SLC2A9: variants seen among roughly 807,000 people sequenced by gnomAD.
SLC2A9 encodes the protein solute carrier family 2 member 9, also known as solute carrier family 2, facilitated glucose transporter member 9.
SLC2A9 carries 39 observed loss-of-function variants against 50.6 expected under a neutral mutation model. The ratio of observed to expected loss-of-function variants is 0.77; its 90% CI spans 0.60 to 1.01. The LOEUF (loss-of-function observed/expected upper bound fraction) is 1.01. Among genes scored for constraint, SLC2A9 ranks in the 50% least tolerant of loss-of-function variants. SLC2A9 has a pLI of 0.00. For missense variants in SLC2A9, 686 were observed against 677.6 expected (o/e 1.01, Z -0.14); for synonymous variants, 324 against 276.9 (o/e 1.17, Z -1.69).
chr4:10,004,737 C>G (rs1760459244), intron 2 of SLC2A9, among the ~76,000 whole-genome samples: 2 of 152,222 alleles, frequency 1.3e-5, no homozygotes, highest in Admixed American at 1.3e-4. Context: ...CATGCCATCA[C>G]AATTGCACTG....
chr4:9,861,825 C>A (rs1331715228), intron 10 of SLC2A9, among the ~76,000 whole-genome samples: 1 of 152,142 alleles, frequency 6.6e-6, no homozygotes, highest in African/African-American at 2.4e-5. Flanking sequence ...TGCTTAAAAA[C>A]TACTTGCTGA....
At chr4:9,917,467 G>C (rs953570501) in intron 7 of SLC2A9, among the ~76,000 whole-genome samples, 5 of 151,262 alleles carry the variant, frequency 3.3e-5, no homozygotes, top group Admixed American at 2.0e-4. Flanking sequence ...AGAGTAGCTG[G>C]GACTACAGGT....
chr4:9,894,529 T>C (rs149202150), intron 8 of SLC2A9, among the ~76,000 whole-genome samples: 5 of 152,352 alleles, frequency 3.3e-5, no homozygotes, highest in Non-Finnish European at 7.3e-5. Flanking sequence ...GTAGATTTAG[T>C]TGAAGTGTTG....
At chr4:9,788,356 A>ATTTT (rs36144026) in intron 3 of SLC2A9, among the ~76,000 whole-genome samples, 68,024 of 136,550 alleles carry the variant, frequency 0.5, 18,753 homozygotes, top group Non-Finnish European at 0.61. Context: ...TGCCCAGGTA[A>ATTTT]TTTTTTTTTT....
chr4:9,823,198 A>T (rs1177540162), downstream of SLC2A9, among the ~76,000 whole-genome samples: 1 of 152,120 alleles, frequency 6.6e-6, no homozygotes, highest in African/African-American at 2.4e-5. Flanking sequence ...TGGAGGTGAG[A>T]GAATATGTAA....
chr4:9,974,245 C>T (rs1754400451), intron 5 of SLC2A9, among the ~76,000 whole-genome samples: 1 of 152,152 alleles, frequency 6.6e-6, no homozygotes, highest in Non-Finnish European at 1.5e-5. Flanking sequence ...TGCCCACTCT[C>T]ACCACTCCTA....
chr4:9,870,559 T>C (rs1251668819), intron 10 of SLC2A9, among the ~76,000 whole-genome samples: 1 of 152,210 alleles, frequency 6.6e-6, no homozygotes, highest in Non-Finnish European at 1.5e-5. Flanking sequence ...GGGAGAGGTT[T>C]TCTGGAGGGT....
intron 10 of SLC2A9, among the ~76,000 whole-genome samples, chr4:9,845,045 G>T (rs909110539): frequency 6.6e-6 from 1 of 151,110 alleles, no homozygotes; most frequent in South Asian, 2.1e-4. Flanking sequence ...ACAGAGTCTC[G>T]CTCTGTTGTC....
intron 10 of SLC2A9, among the ~76,000 whole-genome samples, chr4:9,837,771 C>G (rs1727331735): frequency 6.6e-6 from 1 of 152,208 alleles, no homozygotes; most frequent in Admixed American, 6.5e-5. Flanking sequence ...CTCTCTTTCA[C>G]TAGGCCTTCA....
At position 9,943,598 on chromosome 4, in the gene SLC2A9, G is replaced by A. The variant is rs190373872; in HGVS notation, c.682-1553C>T. Among the ~76,000 whole-genome samples, 406 of 152,254 alleles carry A rather than the reference G, an allele frequency of 2.7e-3. 2 individuals are homozygous for A. Among genetic ancestry groups the A allele is most frequent in the Non-Finnish European group, 3.7e-3 (252 of 68,018 alleles). ...GGAAGGCCGATGGTGGCCCGACTCC[G>A]TGAAGATACCAAAACCCACTGAGCT... On this transcript the variant is annotated intron_variant, in intron 5 of 11. Coordinates refer to ENST00000264784, the MANE Select transcript of SLC2A9 (RefSeq NM_020041.3).
rs114592558 is a variant in SLC2A9, at chr4:9,947,928, C to T, written c.682-5883G>A. Among the ~76,000 whole-genome samples, 533 of 152,260 alleles carry T rather than the reference C, an allele frequency of 3.5e-3. 4 individuals are homozygous for T. Among genetic ancestry groups the T allele is most frequent in the African/African-American group, 0.012 (479 of 41,542 alleles). Reference sequence around the variant, plus strand: ...TGCTTCCCTGCGTGGTCCTGCATGGCGTGGTATGTCCCCTCCTCTAGGGAA... The same window carrying T: ...TGCTTCCCTGCGTGGTCCTGCATGGTGTGGTATGTCCCCTCCTCTAGGGAA... On this transcript the variant is annotated intron_variant, in intron 5 of 11. Transcript: ENST00000264784.
intron 10 of SLC2A9, among the ~76,000 whole-genome samples, chr4:9,881,148 C>G (rs186842125): frequency 6.6e-6 from 1 of 152,294 alleles, no homozygotes; most frequent in Non-Finnish European, 1.5e-5. Flanking sequence ...TCTAAGCCAC[C>G]AAGTGATGGT....
At chr4:9,992,237 A>T (rs1369738718) in intron 3 of SLC2A9, among the ~76,000 whole-genome samples, 2 of 152,138 alleles carry the variant, frequency 1.3e-5, no homozygotes, top group Middle Eastern at 3.2e-3. Context: ...TGGCCAGTCA[A>T]CATAAAATCA....
chr4:9,926,046 C>T (rs1301111962), intron 6 of SLC2A9, among the ~76,000 whole-genome samples: 2 of 152,086 alleles, frequency 1.3e-5, no homozygotes, highest in African/African-American at 4.8e-5. Context: ...TTGGGGTCCT[C>T]AGAGAGCCAC....
At chr4:9,776,793 T>C (rs1394105485), downstream of SLC2A9, among the ~76,000 whole-genome samples, 1 of 152,218 alleles carries the variant, frequency 6.6e-6, no homozygotes, top group Non-Finnish European at 1.5e-5. Context: ...CTCGTAGTTA[T>C]TGTCCAGTTC....
chr4:10,005,339 G>A (rs1484242653), intron 2 of SLC2A9, among the ~76,000 whole-genome samples: 2 of 152,188 alleles, frequency 1.3e-5, no homozygotes, highest in East Asian at 1.9e-4. Flanking sequence ...TATAAAAGAC[G>A]CAGTGGGTTG....
At chr4:9,871,253 GA>G (rs757215636) in intron 10 of SLC2A9, among the ~76,000 whole-genome samples, 58 of 152,250 alleles carry the variant, frequency 3.8e-4, no homozygotes, top group Non-Finnish European at 7.4e-4. Context: ...CAGCTATGTA[GA>G]GGATTAGGAA....
intron 3 of SLC2A9, chr4:9,784,066 A>T (rs1718890119): frequency 6.0e-6 from 1 of 165,754 alleles, no homozygotes; most frequent in South Asian, 2.1e-4. Flanking sequence ...CTTCTGAAGA[A>T]ACGATGAGTG....
chr4:10,005,243 G>A (rs961871748), intron 2 of SLC2A9, among the ~76,000 whole-genome samples: 2 of 152,240 alleles, frequency 1.3e-5, no homozygotes, highest in African/African-American at 2.4e-5. Context: ...GGCAGACGGA[G>A]TGGGCTCAGT....
Sources: gnomAD v4.1 joint callset for allele counts (sites outside exome capture counted in the v4.1 genomes callset) on GRCh38, gnomAD v4.1.1 for gene constraint, MANE v1.5 for transcripts, NCBI Gene and HGNC (gene_info 2026-07-23, HGNC 2026-07-21) for gene names.